PICALM: variants seen among roughly 807,000 people sequenced by gnomAD.
The protein encoded by PICALM is phosphatidylinositol binding clathrin assembly protein.
PICALM carries 40 observed loss-of-function variants against 80.5 expected under a neutral mutation model. That is an observed-to-expected ratio of 0.50 (90% CI 0.39 to 0.65). The LOEUF (loss-of-function observed/expected upper bound fraction) is 0.65, where lower values mean the gene tolerates loss of function less well. PICALM is among the 30% of genes least tolerant of loss of function. The probability of loss-of-function intolerance (pLI) is 0.00; values close to 1 mark genes in which losing one functional copy is unlikely to be tolerated. For synonymous variants in PICALM, 288 were observed against 260.3 expected, an observed-to-expected ratio of 1.11 and a Z score of -1.02; for missense variants, 676 against 778.9, an observed-to-expected ratio of 0.87 and a Z score of 1.57.
At chr11:86,026,484 C>A (rs776374176) in intron 2 of PICALM, 117 bp from the exon 3 acceptor site, 10 of 601,602 alleles carry the variant, frequency 1.7e-5, no homozygotes, top group Non-Finnish European at 2.4e-5. Flanking sequence ...GTTTAAATTT[C>A]TCATCCTCAC....
In PICALM at chr11:85,974,807, T is replaced by C. The variant is rs761076315; in HGVS notation, c.1845A>G (p.Pro615=). ...TCATTACAGGAACACTTCCCATTTG[T>C]GGAGGCTAAAAAAGAGAAAAATATC... ...PTGMIGYGIP[P]QMGSVPVMTQ... is the part of the protein sequence containing the mutation. The change falls in exon 19 of 20, where the codon CCA becomes CCG. Residue 615 remains proline (P), a synonymous_variant. Coordinates refer to ENST00000393346, the MANE Select transcript of PICALM (RefSeq NM_007166.4). The C allele has an allele frequency of 7.5e-6, 12 of 1,610,474 alleles. No homozygotes were observed. The highest frequency in any genetic ancestry group is 1.0e-5 in the Non-Finnish European group (12 of 1,176,886).
intron 5 of PICALM, among the ~76,000 whole-genome samples, chr11:86,012,988 A>G (rs1438416879): frequency 2.0e-5 from 3 of 152,216 alleles, no homozygotes; most frequent in Non-Finnish European, 4.4e-5. Context: ...ACATCAGACT[A>G]TATTACTCAG....
chr11:86,050,740 C>T (rs978481136), intron 1 of PICALM, among the ~76,000 whole-genome samples: 1 of 152,210 alleles, frequency 6.6e-6, no homozygotes, highest in Non-Finnish European at 1.5e-5. Flanking sequence ...TACACACCCT[C>T]AGCTGATCCC....
chr11:85,981,782 A>G lies in PICALM; in HGVS notation c.1649-7T>C. On this transcript the variant is annotated splice_region_variant and splice_polypyrimidine_tract_variant and intron_variant, in intron 15 of 19. Transcript: ENST00000393346. ...CCATTTCCGATGCCAAGATCTAGGA[A>G]AGGAGAAAAACAAAAAAGCATTTTA... is the stretch of plus-strand genomic sequence containing the variant. 1 of 1,612,748 alleles carries G rather than the reference A, an allele frequency of 6.2e-7. No individual in the cohort carries two copies. Among genetic ancestry groups the G allele is most frequent in the Non-Finnish European group, 8.5e-7 (1 of 1,178,734 alleles).
At chr11:86,065,427 G>A (rs1348357567) in intron 1 of PICALM, among the ~76,000 whole-genome samples, 1 of 151,306 alleles carries the variant, frequency 6.6e-6, no homozygotes, top group Admixed American at 6.6e-5. Flanking sequence ...TGGCGACAGA[G>A]CGAGACTCCG....
intron 1 of PICALM, among the ~76,000 whole-genome samples, chr11:86,057,846 T>G (rs1024293459): frequency 6.6e-6 from 1 of 152,136 alleles, no homozygotes; most frequent in Non-Finnish European, 1.5e-5. Context: ...ATGCAAACAA[T>G]GTCATTTTAC....
At chr11:86,042,383 TTAATA>T (rs1164711455) in intron 1 of PICALM, among the ~76,000 whole-genome samples, 2 of 152,154 alleles carry the variant, frequency 1.3e-5, no homozygotes, top group African/African-American at 2.4e-5. Context: ...AACTCATCAC[TTAATA>T]TAAGAATTAA....
chr11:86,034,373 A>C (rs2095806926), intron 1 of PICALM, among the ~76,000 whole-genome samples: 1 of 152,228 alleles, frequency 6.6e-6, no homozygotes, highest in African/African-American at 2.4e-5. Flanking sequence ...GCTCCAAGTC[A>C]GGAAGGAAAA....
chr11:86,023,010 T>G (rs1189538937), intron 3 of PICALM, among the ~76,000 whole-genome samples: 1 of 152,206 alleles, frequency 6.6e-6, no homozygotes, highest in Non-Finnish European at 1.5e-5. Context: ...ATGAATGTTT[T>G]CAATGAAACT....
At chr11:85,992,669 ATC>A (rs1246044668) in intron 12 of PICALM, among the ~76,000 whole-genome samples, 4 of 152,232 alleles carry the variant, frequency 2.6e-5, no homozygotes, top group Admixed American at 2.6e-4. Flanking sequence ...CAAGTAAAAT[ATC>A]TGTTTTTCAC....
At chr11:85,982,421 GAC>G (rs2094465941) in intron 14 of PICALM, among the ~76,000 whole-genome samples, 2 of 35,030 alleles carry the variant, frequency 5.7e-5, no homozygotes, top group Non-Finnish European at 1.1e-4. Flanking sequence ...AGATTTTATA[GAC>G]TTTTTTTTTT....
intron 6 of PICALM, among the ~76,000 whole-genome samples, chr11:86,011,831 T>C (rs2095399638): frequency 6.6e-6 from 1 of 151,382 alleles, no homozygotes; most frequent in Non-Finnish European, 1.5e-5. Flanking sequence ...ACCTGTAACA[T>C]AAAACTTACT....
chr11:86,068,834 C>G lies in PICALM; in HGVS notation c.-54G>C. On this transcript the variant is annotated 5_prime_UTR_variant, in exon 1 of 20. Transcript: ENST00000393346. ...CTCAGCAGCCGGCGGGGACTGGGAC[C>G]CCCAAGAGCCGGAGGGTCCCCACCC... The G allele has an allele frequency of 6.5e-7, 1 of 1,531,936 alleles. No individual in the cohort carries two copies. The highest frequency in any genetic ancestry group is 1.2e-5 in the South Asian group (1 of 83,236). 94.9% of individuals were successfully genotyped at this position (1,531,936 alleles called of 1,614,324 possible). A position where few individuals can be genotyped will look rare whatever the true frequency, so the allele number is the denominator to read the frequency against.
At chr11:86,034,823 C>T (rs1261016454) in intron 1 of PICALM, among the ~76,000 whole-genome samples, 1 of 152,120 alleles carries the variant, frequency 6.6e-6, no homozygotes, top group Non-Finnish European at 1.5e-5. Context: ...CAGAAGGAAC[C>T]AATACCCACC....
At chr11:85,975,592 CTTTTTTTTTTT>C (rs11407535) in intron 18 of PICALM, among the ~76,000 whole-genome samples, 2 of 89,642 alleles carry the variant, frequency 2.2e-5, no homozygotes, top group Non-Finnish European at 4.0e-5. Context: ...TCTCAGCAGA[CTTTTTTTTTTT>C]TTTTTTTTTT....
intron 19 of PICALM, among the ~76,000 whole-genome samples, chr11:85,973,523 A>G (rs912007247): frequency 6.6e-6 from 1 of 152,128 alleles, no homozygotes; most frequent in Non-Finnish European, 1.5e-5. Flanking sequence ...ATTATTATTA[A>G]TCTCTTACTG....
At chr11:85,982,253 G>T in intron 14 of PICALM, 1 of 388,588 alleles carries the variant, frequency 2.6e-6, no homozygotes, top group South Asian at 3.3e-5. Context: ...AGGGTTAAAG[G>T]GGATAAGAGA....
At chr11:86,053,112 G>A (rs748643219) in intron 1 of PICALM, among the ~76,000 whole-genome samples, 3 of 152,104 alleles carry the variant, frequency 2.0e-5, no homozygotes, top group Non-Finnish European at 4.4e-5. Context: ...TACCCTACTA[G>A]ACTGAGGACA....
Position 86,014,944 on chromosome 11 carries a change from T to C in PICALM, c.472A>G (p.Thr158Ala), listed in dbSNP as rs12800974. Residue 158 changes from threonine to alanine, a missense_variant, in exon 5 of 20, where the codon ACA (threonine) becomes GCA (alanine). Transcript: ENST00000393346. ...VKRGADGVMR[T>A]MNTEKLLKTV... is the part of the protein sequence containing the mutation. ...TTTAGGAGTTTTTCTGTGTTCATTG[T>C]TCTCATAACTCCATCAGCCCTGTTA... is the stretch of plus-strand genomic sequence containing the variant. The C allele has an allele frequency of 6.3e-7, 1 of 1,590,480 alleles. No individual in the cohort carries two copies. The highest frequency in any genetic ancestry group is 1.7e-5 in the Admixed American group (1 of 58,038).
Sources: allele counts gnomAD v4.1 joint callset (sites outside exome capture counted in the v4.1 genomes callset), GRCh38; gene constraint gnomAD v4.1.1; transcripts MANE v1.5; gene names NCBI Gene and HGNC (gene_info 2026-07-23, HGNC 2026-07-21).